NRG3: variants seen among roughly 807,000 people sequenced by gnomAD.
NRG3 encodes the protein neuregulin 3, also known as pro-neuregulin-3, membrane-bound isoform.
A neutral mutation model predicts 66.9 loss-of-function variants in NRG3; 31 were observed. The ratio of observed to expected loss-of-function variants is 0.46; its 90% CI spans 0.35 to 0.63. The LOEUF is 0.63. Among genes scored for constraint, NRG3 ranks in the 20% least tolerant of loss-of-function variants. The probability of loss-of-function intolerance (pLI) is 0.00; values close to 1 mark genes in which losing one functional copy is unlikely to be tolerated. For synonymous variants in NRG3, 393 were observed against 359.4 expected (o/e 1.09, Z -1.06); for missense variants, 910 against 878.9 (o/e 1.04, Z -0.45).
intron 1 of NRG3, among the ~76,000 whole-genome samples, chr10:82,304,969 G>A (rs2080630347): frequency 7.5e-6 from 1 of 133,598 alleles, no homozygotes; most frequent in Non-Finnish European, 1.6e-5. Context: ...TGTTTATTAA[G>A]TCATCAGATT....
intron 2 of NRG3, among the ~76,000 whole-genome samples, chr10:82,543,699 T>G (rs981614879): frequency 3.0e-4 from 46 of 152,206 alleles, no homozygotes; most frequent in African/African-American, 8.7e-4. Flanking sequence ...GGTAAGTTTT[T>G]GTATATGCAT....
chr10:82,079,757 A>G (rs563765885), intron 1 of NRG3, among the ~76,000 whole-genome samples: 5 of 152,260 alleles, frequency 3.3e-5, no homozygotes, highest in African/African-American at 9.6e-5. Flanking sequence ...TCACTTAGCA[A>G]TATGCATTTA....
At chr10:82,106,717 G>T (rs954340892) in intron 1 of NRG3, among the ~76,000 whole-genome samples, 10 of 151,954 alleles carry the variant, frequency 6.6e-5, no homozygotes, top group African/African-American at 2.4e-4. Context: ...TGTTGGCCAG[G>T]CTGGTCTCGA....
chr10:82,048,793 AAATT>A (rs1449779094), intron 1 of NRG3, among the ~76,000 whole-genome samples: 1 of 151,584 alleles, frequency 6.6e-6, no homozygotes, highest in Non-Finnish European at 1.5e-5. Context: ...ACCCTTCAAA[AAATT>A]AATGAATCCA....
At chr10:82,528,899 T>G (rs1355770199) in intron 2 of NRG3, among the ~76,000 whole-genome samples, 1 of 152,132 alleles carries the variant, frequency 6.6e-6, no homozygotes, top group African/African-American at 2.4e-5. Flanking sequence ...CTGGATGACC[T>G]AGGATAGCCC....
intron 1 of NRG3, among the ~76,000 whole-genome samples, chr10:82,342,318 A>G (rs1005109531): frequency 3.9e-5 from 6 of 151,996 alleles, no homozygotes; most frequent in African/African-American, 9.7e-5. Context: ...TGGTAGTTCT[A>G]TTTTTAGTTC....
Position 82,852,630 on chromosome 10 carries a change from A to G in NRG3, c.1028-12781A>G, listed in dbSNP as rs76760563. On this transcript the variant is annotated intron_variant, in intron 3 of 8. Transcript: ENST00000372141. ...TCAGATTCCCAAACCTATAATACGT[A>G]GACGGTAGTTTCAAGGAAGGATGTG... 8.3e-3 allele frequency among the ~76,000 whole-genome samples: 1,267 copies of G among 152,274 alleles called. 9 individuals carry two copies. Among genetic ancestry groups the G allele is most frequent in the Non-Finnish European group, 0.011 (771 of 68,026 alleles).
intron 1 of NRG3, among the ~76,000 whole-genome samples, chr10:82,192,492 A>G (rs1425413941): frequency 2.0e-5 from 3 of 152,106 alleles, no homozygotes; most frequent in Non-Finnish European, 4.4e-5. Flanking sequence ...ATATCCACCT[A>G]TTGTCTAAAA....
intron 2 of NRG3, among the ~76,000 whole-genome samples, chr10:82,673,550 T>G (rs2053452642): frequency 6.6e-6 from 1 of 152,138 alleles, no homozygotes; most frequent in Non-Finnish European, 1.5e-5. Flanking sequence ...TGCTGACAGA[T>G]CAGATGTGGG....
intron 3 of NRG3, among the ~76,000 whole-genome samples, chr10:82,838,326 GTTAAA>G (rs991106917): frequency 5.3e-5 from 8 of 152,076 alleles, no homozygotes; most frequent in African/African-American, 1.9e-4. Flanking sequence ...GTCTGTGTAT[GTTAAA>G]TTAAGGGAAC....
At chr10:82,693,149 A>G (rs1256316750) in intron 2 of NRG3, among the ~76,000 whole-genome samples, 2 of 152,048 alleles carry the variant, frequency 1.3e-5, no homozygotes, top group Non-Finnish European at 2.9e-5. Flanking sequence ...ACTTTGTCCA[A>G]TTTCCCCAAT....
At position 82,314,758 on chromosome 10, in the gene NRG3, T is replaced by C. The variant is rs377001501; in HGVS notation, c.824-43981T>C. On this transcript the variant is annotated intron_variant, in intron 1 of 8. Coordinates refer to ENST00000372141, the MANE Select transcript of NRG3 (RefSeq NM_001010848.4). ...TGGGGAGGCAGAGCTTTCAGTGAGC[T>C]GAGATCTCGCCACTGCACTCCAGCC... 3.3e-3 allele frequency among the ~76,000 whole-genome samples: 501 copies of C among 152,232 alleles called. 4 individuals carry two copies. Among genetic ancestry groups the C allele is most frequent in the African/African-American group, 0.012 (490 of 41,540 alleles).
intron 3 of NRG3, among the ~76,000 whole-genome samples, chr10:82,801,496 T>C (rs1253430989): frequency 6.6e-6 from 1 of 152,104 alleles, no homozygotes; most frequent in African/African-American, 2.4e-5. Context: ...CCTCCAACAA[T>C]GAATTACAGC....
rs1159082324 is a variant in NRG3, at chr10:82,369,448, A to T, written c.953+10580A>T. On this transcript the variant is annotated intron_variant, in intron 2 of 8. Coordinates refer to ENST00000372141, the MANE Select transcript of NRG3 (RefSeq NM_001010848.4). Reference sequence around the variant, plus strand: ...CAAGTCACTGGGACTACAAGTGCACACCATCATGCCTGGCTAATTTTTTAA... The same window carrying T: ...CAAGTCACTGGGACTACAAGTGCACTCCATCATGCCTGGCTAATTTTTTAA... Among the ~76,000 whole-genome samples the T allele has an allele frequency of 1.5e-5, 2 of 137,626 alleles. 1 individual carries two copies. Among genetic ancestry groups the T allele is most frequent in the African/African-American group, 6.8e-5 (2 of 29,380 alleles). 90.3% of individuals were successfully genotyped at this position (137,626 alleles called of 152,430 possible). A position where few individuals can be genotyped will look rare whatever the true frequency, so the allele number is the denominator to read the frequency against.
chr10:82,358,286 G>GA (rs58060495), intron 1 of NRG3, among the ~76,000 whole-genome samples: 3 of 151,128 alleles, frequency 2.0e-5, no homozygotes, highest in South Asian at 2.1e-4. Flanking sequence ...AGCTGTAACT[G>GA]AAAAAAAAAT....
At chr10:82,048,116 A>G (rs1449418743) in intron 1 of NRG3, among the ~76,000 whole-genome samples, 2 of 151,778 alleles carry the variant, frequency 1.3e-5, no homozygotes, top group Admixed American at 6.6e-5. Context: ...TGAGTGACCT[A>G]CAAAGAGACT....
chr10:82,388,919 C>T (rs1157042757), intron 2 of NRG3, among the ~76,000 whole-genome samples: 1 of 152,120 alleles, frequency 6.6e-6, no homozygotes, highest in East Asian at 1.9e-4. Flanking sequence ...CCTGCCGAGT[C>T]AGTGGGCCTT....
Position 82,249,538 on chromosome 10 carries a change from A to G in NRG3, c.824-109201A>G, listed in dbSNP as rs920538439. On this transcript the variant is annotated intron_variant, in intron 1 of 8. Transcript: ENST00000372141. The stretch of plus-strand genomic sequence containing the variant: ...GGATATTTGTTGAATGAAAAAGAAA[A>G]TAAATAGTAAACATTTGCTGAGTGA... Among the ~76,000 whole-genome samples, 16 of 152,230 alleles carry G rather than the reference A, an allele frequency of 1.1e-4. 1 individual carries two copies. Among genetic ancestry groups the G allele is most frequent in the Admixed American group, 8.5e-4 (13 of 15,278 alleles).
intron 1 of NRG3, among the ~76,000 whole-genome samples, chr10:82,082,113 C>T (rs1590041056): frequency 6.6e-6 from 1 of 152,136 alleles, no homozygotes; most frequent in South Asian, 2.1e-4. Context: ...AAGGTTGTGT[C>T]ATCCATTTAA....
Sources: allele counts gnomAD v4.1 joint callset (sites outside exome capture counted in the v4.1 genomes callset), GRCh38; gene constraint gnomAD v4.1.1; transcripts MANE v1.5; gene names NCBI Gene and HGNC (gene_info 2026-07-23, HGNC 2026-07-21).